Variants in MAJIN observed in about 807,000 individuals in gnomAD.
The protein encoded by MAJIN is membrane anchored junction protein.
A neutral mutation model predicts 30.2 loss-of-function variants in MAJIN; 27 were observed. The ratio of observed to expected loss-of-function variants is 0.89; its 90% confidence interval spans 0.66 to 1.23. MAJIN has a LOEUF of 1.23. MAJIN is among the 50% of genes most tolerant of loss of function. The probability of loss-of-function intolerance (pLI) is 0.00; values close to 1 mark genes in which losing one functional copy is unlikely to be tolerated. For synonymous variants in MAJIN, 78 were observed against 91.6 expected, an observed-to-expected ratio of 0.85 and a Z score of 0.85; for missense variants, 253 against 260.3, an observed-to-expected ratio of 0.97 and a Z score of 0.19.
chr11:64,960,182 T>C (rs556335476), intron 1 of MAJIN, 47 bp from the exon 2 acceptor site: 1 of 152,164 alleles, frequency 6.6e-6, no homozygotes, highest in Admixed American at 6.6e-5. Flanking sequence ...AATAAATAAT[T>C]AGAGGAGATC....
In MAJIN at chr11:64,972,085, G is replaced by C. The variant is rs1298137527; in HGVS notation, c.-273C>G. On this transcript the variant is annotated 5_prime_UTR_variant, in exon 1 of 11. Coordinates refer to ENST00000301896, the MANE Select transcript of MAJIN (RefSeq NM_001037225.3). ...CGGGGCTCGTGCCGCGCACCCACCA[G>C]GCCTTCTGCGCACGCGCAAGTGCGC... is the stretch of plus-strand genomic sequence containing the variant. 3.9e-5 allele frequency: 6 copies of C among 152,212 alleles called. No individual in the cohort carries two copies. Among genetic ancestry groups the C allele is most frequent in the Non-Finnish European group, 4.4e-5 (3 of 68,044 alleles). 9.4% of individuals were successfully genotyped at this position (152,212 alleles called of 1,614,324 possible). A position where few individuals can be genotyped will look rare whatever the true frequency, so the allele number is the denominator to read the frequency against.
At chr11:64,942,269 G>A (rs546522949) in intron 8 of MAJIN, among the ~76,000 whole-genome samples, 2 of 151,544 alleles carry the variant, frequency 1.3e-5, no homozygotes, top group Non-Finnish European at 1.5e-5. Context: ...TTTTTTTCCC[G>A]TTTTTTAGAA....
chr11:64,956,203 G>A (rs926072021), intron 3 of MAJIN, among the ~76,000 whole-genome samples: 1 of 152,158 alleles, frequency 6.6e-6, no homozygotes, highest in Non-Finnish European at 1.5e-5. Flanking sequence ...GGGAGGCTGA[G>A]GCAGGAGAAT....
chr11:64,963,967 G>A (rs1211677754), intron 1 of MAJIN, among the ~76,000 whole-genome samples: 8 of 152,122 alleles, frequency 5.3e-5, no homozygotes, highest in African/African-American at 1.9e-4. Context: ...TTTTTGAGAC[G>A]GAGTCTCACT....
intron 8 of MAJIN, among the ~76,000 whole-genome samples, chr11:64,943,027 GTCTTC>G (rs1228969434): frequency 2.0e-5 from 3 of 152,152 alleles, no homozygotes; most frequent in African/African-American, 4.8e-5. Context: ...CTTGAGAGAT[GTCTTC>G]TCAAGAAAAA....
intron 1 of MAJIN, among the ~76,000 whole-genome samples, chr11:64,971,594 G>C (rs901976901): frequency 6.6e-6 from 1 of 152,032 alleles, no homozygotes; most frequent in African/African-American, 2.4e-5. Flanking sequence ...CCGAAGGAGG[G>C]GACAGAGGCC....
intron 5 of MAJIN, among the ~76,000 whole-genome samples, 154 bp from the exon 6 acceptor site, chr11:64,950,022 C>T (rs1177417670): frequency 6.6e-6 from 1 of 152,116 alleles, no homozygotes; most frequent in Non-Finnish European, 1.5e-5. Context: ...AGCTGTAGCT[C>T]ATTTCCAGCC....
chr11:64,938,540 C>A lies in MAJIN; in HGVS notation c.*35G>T. 1 of 1,535,926 alleles carries A rather than the reference C, an allele frequency of 6.5e-7. No homozygotes were observed. The highest frequency in any genetic ancestry group is 1.2e-5 in the South Asian group (1 of 84,064). ...TTTGGAAGGCTCAAGAGTGGCTGCT[C>A]TTCCTGAAGAAATATCGAAACGGGA... On this transcript the variant is annotated 3_prime_UTR_variant, in exon 11 of 11. Coordinates refer to ENST00000301896, the MANE Select transcript of MAJIN (RefSeq NM_001037225.3).
chr11:64,948,282 C>T (rs2136745798), intron 6 of MAJIN, among the ~76,000 whole-genome samples: 1 of 151,942 alleles, frequency 6.6e-6, no homozygotes, highest in African/African-American at 2.4e-5. Context: ...CTCTTCCTCC[C>T]CTGTTTCAGA....
chr11:64,954,543 G>T, intron 4 of MAJIN: 1 of 671,248 alleles, frequency 1.5e-6, no homozygotes, highest in Non-Finnish European at 2.7e-6. Flanking sequence ...CAGCCTCAAA[G>T]GTGCTGACAT....
rs747052685 is a variant in MAJIN, at chr11:64,947,800, AC to A, written c.368del (p.Ser123IlefsTer13). On this transcript the variant is annotated frameshift_variant, in exon 7 of 11. Coordinates refer to ENST00000301896, the MANE Select transcript of MAJIN (RefSeq NM_001037225.3). LOFTEE classifies it high-confidence loss of function. The part of the protein sequence containing the change: ...NLSPGKPISD[S>X]PLGLVPVEKK... ...AAGGCAAACTTACCAACCCAAGAGG[AC>A]TGTCACTTATTGGTTTCCCTACAAT... is the stretch of plus-strand genomic sequence containing the variant. 47 of 1,613,124 alleles carry A rather than the reference AC, an allele frequency of 2.9e-5. No individual in the cohort carries two copies. The highest frequency in any genetic ancestry group is 3.7e-5 in the Non-Finnish European group (44 of 1,179,432).
chr11:64,960,594 T>C (rs1031515087), intron 1 of MAJIN, among the ~76,000 whole-genome samples: 2 of 152,218 alleles, frequency 1.3e-5, no homozygotes, highest in African/African-American at 2.4e-5. Context: ...GTCTGCTTCC[T>C]GGGGTTATAA....
At chr11:64,962,850 GGC>G in intron 1 of MAJIN, among the ~76,000 whole-genome samples, 1 of 152,256 alleles carries the variant, frequency 6.6e-6, no homozygotes, top group Middle Eastern at 3.4e-3. Flanking sequence ...TTCAAGGCCA[GGC>G]ATGGTAGCTC....
intron 7 of MAJIN, 149 bp downstream of exon 7, chr11:64,947,639 G>T: frequency 9.8e-7 from 1 of 1,024,552 alleles, no homozygotes; most frequent in Non-Finnish European, 1.5e-6. Context: ...ATCTAGCCAA[G>T]GGGGAAAATA....
chr11:64,954,604 A>G (rs1304569043), intron 4 of MAJIN, 153 bp downstream of exon 4: 1 of 760,998 alleles, frequency 1.3e-6, no homozygotes, highest in Non-Finnish European at 2.3e-6. Flanking sequence ...CCCATGGAAA[A>G]ACATAAAGTT....
chr11:64,958,863 G>C (rs1055137628), intron 3 of MAJIN, among the ~76,000 whole-genome samples: 1 of 151,912 alleles, frequency 6.6e-6, no homozygotes, highest in Non-Finnish European at 1.5e-5. Flanking sequence ...GACCTCAAGT[G>C]ATCCATCCAC....
intron 8 of MAJIN, among the ~76,000 whole-genome samples, chr11:64,941,622 C>A (rs1354592010): frequency 6.6e-6 from 1 of 152,072 alleles, no homozygotes; most frequent in Non-Finnish European, 1.5e-5. Flanking sequence ...TGCATTCCAG[C>A]CTGGGGCGAG....
At chr11:64,962,326 C>T (rs1023229200) in intron 1 of MAJIN, among the ~76,000 whole-genome samples, 25 of 152,200 alleles carry the variant, frequency 1.6e-4, no homozygotes, top group African/African-American at 5.8e-4. Flanking sequence ...CACTAATTAC[C>T]TCATTTGAAA....
chr11:64,938,350 GA>G lies in MAJIN; in HGVS notation c.*224del, dbSNP rs1325067440. The G allele has an allele frequency of 5.6e-5, 37 of 654,904 alleles. No individual in the cohort carries two copies. The East Asian group carries it at 9.0e-4, about 16-fold the overall frequency. The allele number at this position is 654,904 out of a possible 1,614,324, so 40.6% of individuals were successfully genotyped here. On this transcript the variant is annotated 3_prime_UTR_variant, in exon 11 of 11. Coordinates refer to ENST00000301896, the MANE Select transcript of MAJIN (RefSeq NM_001037225.3). ...CCATTCTTAATGTTTTAAATTGGGG[GA>G]AAAAATCTATTATAAAGGGGCAAAG...
Sources: allele counts gnomAD v4.1 joint callset (sites outside exome capture counted in the v4.1 genomes callset), GRCh38; gene constraint gnomAD v4.1.1; transcripts MANE v1.5; gene names NCBI Gene and HGNC (gene_info 2026-07-23, HGNC 2026-07-21).